The following ULK4 variants were observed in gnomAD, a reference collection of about 807,000 sequenced individuals.
The protein encoded by ULK4 is unc-51 like kinase 4.
ULK4 carries 133 observed loss-of-function variants against 160.6 expected under a neutral mutation model. The ratio of observed to expected loss-of-function variants is 0.83; its 90% CI spans 0.72 to 0.96. The LOEUF is 0.96. ULK4 is among the 40% of genes least tolerant of loss of function. The probability of loss-of-function intolerance (pLI) is 0.00; values close to 1 mark genes in which losing one functional copy is unlikely to be tolerated. For missense variants in ULK4, 1,580 were observed against 1,499.5 expected (o/e 1.05, Z -0.89); for synonymous variants, 534 against 539.8 (o/e 0.99, Z 0.15).
Position 41,454,818 on chromosome 3 carries a change from G to T in ULK4, c.3492+679C>A, listed in dbSNP as rs564503548. Among the ~76,000 whole-genome samples, 7 of 151,808 alleles carry T rather than the reference G, an allele frequency of 4.6e-5. No homozygotes were observed. In the East Asian group the frequency reaches 1.4e-3, roughly 30 times the overall value. ...AGTGATTCTCCTGACTCAGCCTCCCGAGTAGCTGGAATTACAGGTGAACAC... is the reference window on the plus strand; with the variant it reads ...AGTGATTCTCCTGACTCAGCCTCCCTAGTAGCTGGAATTACAGGTGAACAC... On this transcript the variant is annotated intron_variant, in intron 34 of 36. Coordinates refer to ENST00000301831, the MANE Select transcript of ULK4 (RefSeq NM_017886.4).
intron 22 of ULK4, among the ~76,000 whole-genome samples, chr3:41,748,316 C>A (rs558506667): frequency 7.3e-5 from 11 of 150,660 alleles, no homozygotes; most frequent in Non-Finnish European, 1.3e-4. Context: ...CACGCACATA[C>A]CATATATATA....
chr3:41,597,672 G>GCA (rs1376779311), intron 31 of ULK4, among the ~76,000 whole-genome samples: 1 of 152,120 alleles, frequency 6.6e-6, no homozygotes, highest in African/African-American at 2.4e-5. Flanking sequence ...GGGTTTCTGG[G>GCA]CACAATGAGA....
chr3:41,365,379 A>T lies in ULK4; in HGVS notation c.3678+32700T>A, dbSNP rs188112602. Among the ~76,000 whole-genome samples the T allele has an allele frequency of 2.7e-3, 419 of 152,372 alleles. 10 individuals carry two copies. Among genetic ancestry groups the T allele is most frequent in the African/African-American group, 9.8e-3 (406 of 41,600 alleles). ...CTCAAATAACCAGCAGATATTTTTCATGTCCTAATGTTTTGCAATTCTGTG... is the reference window on the plus strand; with the variant it reads ...CTCAAATAACCAGCAGATATTTTTCTTGTCCTAATGTTTTGCAATTCTGTG... On this transcript the variant is annotated intron_variant, in intron 35 of 36. Coordinates refer to ENST00000301831, the MANE Select transcript of ULK4 (RefSeq NM_017886.4).
intron 21 of ULK4, among the ~76,000 whole-genome samples, chr3:41,785,714 C>A (rs887017815): frequency 1.3e-5 from 2 of 152,146 alleles, no homozygotes; most frequent in Non-Finnish European, 2.9e-5. Context: ...CTCAAACACA[C>A]ATGTATAGAC....
At chr3:41,913,070 CAAGATA>C (rs1479351205) in intron 8 of ULK4, 171 bp from the exon 9 acceptor site, 1 of 567,732 alleles carries the variant, frequency 1.8e-6, no homozygotes, top group African/African-American at 1.9e-5. Context: ...TTTTAGACAG[CAAGATA>C]AAAAGAAACA....
intron 5 of ULK4, among the ~76,000 whole-genome samples, chr3:41,920,809 A>T (rs868053423): frequency 1.3e-5 from 2 of 152,296 alleles, no homozygotes; most frequent in Admixed American, 1.3e-4. Flanking sequence ...TCTCCCATGG[A>T]GCATTTTTGC....
chr3:41,447,694 G>A lies in ULK4; in HGVS notation c.3492+7803C>T, dbSNP rs116560260. Among the ~76,000 whole-genome samples, 636 of 152,178 alleles carry A rather than the reference G, an allele frequency of 4.2e-3. 4 individuals carry two copies. The highest frequency in any genetic ancestry group is 0.015 in the African/African-American group (608 of 41,506). On this transcript the variant is annotated intron_variant, in intron 34 of 36. Coordinates refer to ENST00000301831, the MANE Select transcript of ULK4 (RefSeq NM_017886.4). ...CAATGCTGCCGGGATCCTAGGGCTCGGTTTTTATGTATTGCGGTGGCTATA... is the reference window on the plus strand; with the variant it reads ...CAATGCTGCCGGGATCCTAGGGCTCAGTTTTTATGTATTGCGGTGGCTATA...
At chr3:41,341,581 C>T (rs1416339017) in intron 35 of ULK4, among the ~76,000 whole-genome samples, 5 of 152,168 alleles carry the variant, frequency 3.3e-5, no homozygotes, top group Admixed American at 3.3e-4. Flanking sequence ...AACCTGTGGG[C>T]TGGTAGGATG....
At position 41,357,255 on chromosome 3, in the gene ULK4, C is replaced by T. The variant is rs370520499; in HGVS notation, c.3678+40824G>A. ...TACTTAAGGAAGTTAATTAATTTGT[C>T]CCAGGTTTCCCAGTGTAGAGTGGAG... On this transcript the variant is annotated intron_variant, in intron 35 of 36. Transcript: ENST00000301831. Among the ~76,000 whole-genome samples, 10 of 152,266 alleles carry T rather than the reference C, an allele frequency of 6.6e-5. No individual in the cohort carries two copies. In the South Asian group the frequency reaches 2.1e-3, roughly 32 times the overall value.
At position 41,820,793 on chromosome 3, in the gene ULK4, T is replaced by C. The variant is rs6798329; in HGVS notation, c.1765-1287A>G. Among the ~76,000 whole-genome samples, 475 of 152,118 alleles carry C rather than the reference T, an allele frequency of 3.1e-3. 1 individual carries two copies. Among genetic ancestry groups the C allele is most frequent in the African/African-American group, 0.011 (451 of 41,506 alleles). On this transcript the variant is annotated intron_variant, in intron 18 of 36. Coordinates refer to ENST00000301831, the MANE Select transcript of ULK4 (RefSeq NM_017886.4). Reference sequence around the variant, plus strand: ...TGAATCTAAAATAAAGTTGAAATTTTAAAAAAAGAATTAGTACATTACTAA... The same window carrying C: ...TGAATCTAAAATAAAGTTGAAATTTCAAAAAAAGAATTAGTACATTACTAA...
intron 22 of ULK4, among the ~76,000 whole-genome samples, chr3:41,733,275 G>A (rs1307658395): frequency 6.6e-6 from 1 of 151,978 alleles, no homozygotes; most frequent in Admixed American, 6.6e-5. Flanking sequence ...ACTACTCTTG[G>A]TTTAGATAAA....
intron 35 of ULK4, among the ~76,000 whole-genome samples, chr3:41,364,825 A>AATCTT (rs1034653067): frequency 2.0e-5 from 3 of 152,152 alleles, no homozygotes; most frequent in Non-Finnish European, 4.4e-5. Context: ...CTCAGATACA[A>AATCTT]ATCTTTTTTA....
At chr3:41,581,096 CT>C (rs1016516378) in intron 31 of ULK4, among the ~76,000 whole-genome samples, 20 of 152,176 alleles carry the variant, frequency 1.3e-4, no homozygotes, top group African/African-American at 4.6e-4. Flanking sequence ...AGAATATACA[CT>C]AATCAACCCA....
chr3:41,391,491 C>G (rs1292596055), intron 35 of ULK4, among the ~76,000 whole-genome samples: 1 of 151,738 alleles, frequency 6.6e-6, no homozygotes, highest in Admixed American at 6.6e-5. Flanking sequence ...TATAATTTTA[C>G]CTTTTTATTA....
At chr3:41,300,837 T>TGATA (rs1553640531) in intron 35 of ULK4, among the ~76,000 whole-genome samples, 1 of 57,868 alleles carries the variant, frequency 1.7e-5, no homozygotes, top group South Asian at 7.3e-4. Flanking sequence ...ATTTTACAGA[T>TGATA]TATATATATA....
At chr3:41,627,696 CA>C (rs2033583537) in intron 30 of ULK4, among the ~76,000 whole-genome samples, 1 of 152,202 alleles carries the variant, frequency 6.6e-6, no homozygotes, top group Non-Finnish European at 1.5e-5. Context: ...ACTCCAGAGT[CA>C]AGCAGGTTAA....
chr3:41,676,838 C>T (rs1376878805), intron 29 of ULK4, among the ~76,000 whole-genome samples: 1 of 151,924 alleles, frequency 6.6e-6, no homozygotes, highest in Admixed American at 6.6e-5. Context: ...TGCTTCCTGC[C>T]CAGTATGCTG....
At chr3:41,764,605 T>C (rs2039098342) in intron 21 of ULK4, among the ~76,000 whole-genome samples, 1 of 152,172 alleles carries the variant, frequency 6.6e-6, no homozygotes, top group Non-Finnish European at 1.5e-5. Flanking sequence ...ATGTAGGACT[T>C]AGACAAACAA....
intron 23 of ULK4, among the ~76,000 whole-genome samples, chr3:41,716,351 T>A (rs1460961532): frequency 6.6e-6 from 1 of 151,998 alleles, no homozygotes; most frequent in Non-Finnish European, 1.5e-5. Context: ...TCTCATTGGA[T>A]GATAAATCTA....
Sources: allele counts gnomAD v4.1 joint callset (sites outside exome capture counted in the v4.1 genomes callset), GRCh38; gene constraint gnomAD v4.1.1; transcripts MANE v1.5; gene names NCBI Gene and HGNC (gene_info 2026-07-23, HGNC 2026-07-21).